Variants in USP22 observed in about 807,000 individuals in gnomAD.
USP22 encodes the protein ubiquitin specific peptidase 22, also known as ubiquitin carboxyl-terminal hydrolase 22.
USP22 carries 22 observed loss-of-function variants against 68.1 expected under a neutral mutation model. That is an observed-to-expected ratio of 0.32 (90% CI 0.23 to 0.46). The LOEUF (loss-of-function observed/expected upper bound fraction) is 0.46. USP22 is among the 20% of genes least tolerant of loss of function. The pLI is 1.00. For synonymous variants in USP22, 279 were observed against 274.2 expected (o/e 1.02, Z -0.17); for missense variants, 433 against 695.8 (o/e 0.62, Z 4.25).
chr17:21,010,421 C>T (rs1048415018), intron 8 of USP22, among the ~76,000 whole-genome samples: 5 of 151,866 alleles, frequency 3.3e-5, no homozygotes, highest in African/African-American at 1.2e-4. Context: ...GTGGCTCATG[C>T]CTGTGAGCAC....
rs1028741545 is a variant in USP22 at position 21,003,217 on chromosome 17, G to T, written c.1536-144C>A. On this transcript the variant is annotated intron_variant, in intron 12 of 12. Transcript: ENST00000261497. ...GTTGATGGTTTTGGCTTTTTAGTCCGCAAGGAGGAAAGAGTGCTTCACTGG... is the reference window on the plus strand; with the variant it reads ...GTTGATGGTTTTGGCTTTTTAGTCCTCAAGGAGGAAAGAGTGCTTCACTGG... The T allele has an allele frequency of 6.4e-6, 6 of 936,960 alleles. No homozygotes were observed. In the African/African-American group the frequency reaches 9.8e-5, roughly 15 times the overall value. The allele number at this position is 936,960 out of a possible 1,614,324, so 58.0% of individuals were successfully genotyped here.
rs529212279 is a variant in USP22 at position 21,001,748 on chromosome 17, T to C, written c.*1283A>G. The C allele has an allele frequency of 6.6e-6, 1 of 152,310 alleles. No individual in the cohort carries two copies. Among genetic ancestry groups the C allele is most frequent in the East Asian group, 1.9e-4 (1 of 5,184 alleles). 9.4% of individuals were successfully genotyped at this position (152,310 alleles called of 1,614,324 possible). A position where few individuals can be genotyped will look rare whatever the true frequency, so the allele number is the denominator to read the frequency against. The stretch of plus-strand genomic sequence containing the variant: ...CTTCATAAACTGTATTTCAGTACTT[T>C]TCCTCCCCCTTGTCCCTAGTTTCTA... On this transcript the variant is annotated 3_prime_UTR_variant, in exon 13 of 13. Coordinates refer to ENST00000261497, the MANE Select transcript of USP22 (RefSeq NM_015276.2).
rs1243281527 is a variant in USP22 at position 21,019,120 on chromosome 17, G to T, written c.484C>A (p.Pro162Thr). ...KRELELLKHN[P>T]KRRKITSNCT... The stretch of plus-strand genomic sequence containing the variant: ...TTCGAGGTGATCTTTCTCCTTTTCG[G>T]GTTGTGCTTCAGCAGTTCAAGCTCC... Residue 162 changes from proline (P) to threonine (T), a missense_variant, in exon 4 of 13, where the codon CCG becomes ACG. Pro to Thr is a conservative substitution (Grantham distance 38, BLOSUM62 -1). Coordinates refer to ENST00000261497, the MANE Select transcript of USP22 (RefSeq NM_015276.2). The T allele has an allele frequency of 6.2e-7, 1 of 1,614,160 alleles. No homozygotes were observed. Among genetic ancestry groups the T allele is most frequent in the South Asian group, 1.1e-5 (1 of 91,082 alleles).
chr17:21,019,233 A>T (rs1262365618), intron 3 of USP22, 48 bp from the exon 4 acceptor site: 1 of 1,575,012 alleles, frequency 6.3e-7, no homozygotes, highest in South Asian at 1.1e-5. Flanking sequence ...AGATTTTCAC[A>T]TCAAGTGTGT....
In USP22 at chr17:21,031,169, A is replaced by C. The variant is rs140265193; in HGVS notation, c.172-2495T>G. Among the ~76,000 whole-genome samples the C allele has an allele frequency of 5.2e-5, 8 of 152,394 alleles. No homozygotes were observed. In the East Asian group the frequency reaches 1.5e-3, roughly 29 times the overall value. On this transcript the variant is annotated intron_variant, in intron 1 of 12. Coordinates refer to ENST00000261497, the MANE Select transcript of USP22 (RefSeq NM_015276.2). ...CTATTAAATTGAACACATGTACCCT[A>C]CAGCCTAACGCTTCAATTCATAGGT... is the stretch of plus-strand genomic sequence containing the variant.
At chr17:21,028,717 A>T in intron 1 of USP22, 43 bp from the exon 2 acceptor site, 1 of 1,602,256 alleles carries the variant, frequency 6.2e-7, no homozygotes, top group Non-Finnish European at 8.5e-7. Context: ...GTGTGATAAG[A>T]CAGGGGTGCT....
chr17:21,020,244 C>CAAAAAAAAAAAAAAAACA (rs1972136682), intron 3 of USP22, among the ~76,000 whole-genome samples: 1 of 73,252 alleles, frequency 1.4e-5, no homozygotes, highest in Admixed American at 1.7e-4. Context: ...AATCAAAAAC[C>CAAAAAAAAAAAAAAAACA]AAAAAAAAAA....
intron 1 of USP22, among the ~76,000 whole-genome samples, chr17:21,035,555 T>TCC (rs1189708659): frequency 2.0e-5 from 3 of 150,878 alleles, no homozygotes; most frequent in Non-Finnish European, 4.4e-5. Context: ...CTTCCACTGT[T>TCC]GAGTATGCAA....
chr17:21,041,739 A>C (rs1972435332), intron 1 of USP22, among the ~76,000 whole-genome samples: 1 of 152,274 alleles, frequency 6.6e-6, no homozygotes, highest in Non-Finnish European at 1.5e-5. Context: ...TAATCTACAA[A>C]AGCGCGTGAA....
chr17:21,015,293 G>A (rs1287228063), intron 6 of USP22, among the ~76,000 whole-genome samples: 2 of 152,212 alleles, frequency 1.3e-5, no homozygotes, highest in Non-Finnish European at 2.9e-5. Flanking sequence ...TGCTCGTCCT[G>A]TGTCCCAGCT....
intron 2 of USP22, among the ~76,000 whole-genome samples, chr17:21,023,038 G>C (rs540624811): frequency 4.6e-5 from 7 of 152,282 alleles, no homozygotes; most frequent in Admixed American, 2.6e-4. Context: ...AACATGGATG[G>C]AGCTGGAGGT....
intron 6 of USP22, among the ~76,000 whole-genome samples, chr17:21,015,338 G>GGA (rs1914097280): frequency 6.6e-6 from 1 of 152,172 alleles, no homozygotes; most frequent in Non-Finnish European, 1.5e-5. Flanking sequence ...CAGTCCTTTT[G>GGA]GAGAGTCCCC....
intron 1 of USP22, among the ~76,000 whole-genome samples, chr17:21,040,212 A>C (rs1351173078): frequency 6.6e-6 from 1 of 152,232 alleles, no homozygotes; most frequent in Non-Finnish European, 1.5e-5. Context: ...AATTTAAAAA[A>C]CAAAATGTCC....
At chr17:21,005,339 G>GGTTA (rs1913745840) in intron 10 of USP22, among the ~76,000 whole-genome samples, 1 of 152,186 alleles carries the variant, frequency 6.6e-6, no homozygotes, top group African/African-American at 2.4e-5. Flanking sequence ...ACATGTAAAG[G>GGTTA]GTTAGCTTGA....
chr17:21,020,258 A>AAAAAAAAAAAAAAAAAG (rs1972138326), intron 3 of USP22, among the ~76,000 whole-genome samples: 1 of 148,644 alleles, frequency 6.7e-6, no homozygotes, highest in Non-Finnish European at 1.5e-5. Context: ...AAAAAAAAAA[A>AAAAAAAAAAAAAAAAAG]AAAAAAAAAA....
At chr17:21,030,332 G>A (rs1386997888) in intron 1 of USP22, among the ~76,000 whole-genome samples, 1 of 152,052 alleles carries the variant, frequency 6.6e-6, no homozygotes, top group Non-Finnish European at 1.5e-5. Flanking sequence ...TTTGATTTGT[G>A]GTTGGTTGAA....
chr17:21,022,891 G>A (rs113297474), intron 2 of USP22, among the ~76,000 whole-genome samples: 58 of 152,004 alleles, frequency 3.8e-4, no homozygotes, highest in African/African-American at 1.1e-3. Flanking sequence ...TGTGTTCATC[G>A]CAGCACTATT....
intron 8 of USP22, among the ~76,000 whole-genome samples, chr17:21,008,451 T>C (rs1237057689): frequency 2.0e-5 from 3 of 152,228 alleles, no homozygotes; most frequent in African/African-American, 7.2e-5. Flanking sequence ...AAGGAACTAC[T>C]GATCCCAAGC....
intron 10 of USP22, among the ~76,000 whole-genome samples, chr17:21,006,110 A>T (rs1223603110): frequency 6.6e-6 from 1 of 152,082 alleles, no homozygotes; most frequent in Non-Finnish European, 1.5e-5. Context: ...CAGATTTCCA[A>T]CCTCTAGAAC....
Sources: allele counts gnomAD v4.1 joint callset (sites outside exome capture counted in the v4.1 genomes callset), GRCh38; gene constraint gnomAD v4.1.1; transcripts MANE v1.5; gene names NCBI Gene and HGNC (gene_info 2026-07-23, HGNC 2026-07-21).